DSCAM: variants seen among roughly 807,000 people sequenced by gnomAD.
The protein encoded by DSCAM is DS cell adhesion molecule, also known as cell adhesion molecule DSCAM.
DSCAM carries 47 observed loss-of-function variants against 217.7 expected under a neutral mutation model. The observed-to-expected ratio is 0.22, with a 90% confidence interval of 0.17 to 0.28. The LOEUF is 0.28. Ranked by LOEUF, DSCAM falls within the 10% of genes least tolerant of loss-of-function variation. The probability of loss-of-function intolerance (pLI) is 1.00; values close to 1 mark genes in which losing one functional copy is unlikely to be tolerated. For missense variants in DSCAM, 2,080 were observed against 2,618.3 expected, an observed-to-expected ratio of 0.79 and a Z score of 4.49; for synonymous variants, 1,056 against 1,015.3, an observed-to-expected ratio of 1.04 and a Z score of -0.76.
At chr21:40,431,192 G>A (rs970354502) in intron 3 of DSCAM, among the ~76,000 whole-genome samples, 1 of 152,236 alleles carries the variant, frequency 6.6e-6, no homozygotes, top group Non-Finnish European at 1.5e-5. Flanking sequence ...GAAATCTCAT[G>A]TAATGGGGTG....
chr21:40,742,963 T>A (rs2091138716), intron 1 of DSCAM, among the ~76,000 whole-genome samples: 1 of 152,218 alleles, frequency 6.6e-6, no homozygotes, highest in Non-Finnish European at 1.5e-5. Flanking sequence ...TGGCAAGCGG[T>A]AGTCAGAGTT....
chr21:40,427,159 A>T (rs1338678137), intron 3 of DSCAM, among the ~76,000 whole-genome samples: 1 of 152,170 alleles, frequency 6.6e-6, no homozygotes, highest in Admixed American at 6.5e-5. Context: ...GGCCCAGCTG[A>T]CTGCTGCTCT....
chr21:40,391,626 G>A (rs1379778884), intron 3 of DSCAM, among the ~76,000 whole-genome samples: 1 of 152,194 alleles, frequency 6.6e-6, no homozygotes, highest in East Asian at 1.9e-4. Context: ...GTAAGCTTGA[G>A]CAGTGTCAGT....
intron 8 of DSCAM, among the ~76,000 whole-genome samples, chr21:40,334,099 C>A (rs1348337952): frequency 6.6e-6 from 1 of 152,054 alleles, no homozygotes. Flanking sequence ...GCTGGGGAAG[C>A]CTGTACATAT....
Position 40,175,807 on chromosome 21 carries a change from A to ACACG in DSCAM, c.2947+3119_2947+3120insCGTG, listed in dbSNP as rs531907462. Among the ~76,000 whole-genome samples, 6 of 88,258 alleles carry ACACG rather than the reference A, an allele frequency of 6.8e-5. No homozygotes were observed. In the East Asian group the frequency reaches 1.1e-3, roughly 16 times the overall value. The allele number at this position is 88,258 out of a possible 152,430, so 57.9% of individuals were successfully genotyped here. A position where few individuals can be genotyped will look rare whatever the true frequency, so the allele number is the denominator to read the frequency against. On this transcript the variant is annotated intron_variant, in intron 15 of 32. Transcript: ENST00000400454. Reference sequence around the variant, plus strand: ...CACACACACACACACACACACACACACGCACACACACACACACGCACACAC... The same window carrying ACACG: ...CACACACACACACACACACACACACACACGCGCACACACACACACACGCACACAC...
At position 40,409,199 on chromosome 21, in the gene DSCAM, A is replaced by C. The variant is rs551688625; in HGVS notation, c.509-39954T>G. ...AGTATTGAGAGCTATGGCATTAAAA[A>C]GTTCCATTAGAATGTAATTTGTATT... On this transcript the variant is annotated intron_variant, in intron 3 of 32. Transcript: ENST00000400454. Among the ~76,000 whole-genome samples the C allele has an allele frequency of 1.2e-3, 187 of 152,372 alleles. 1 individual carries two copies. Among genetic ancestry groups the C allele is most frequent in the South Asian group, 0.011 (52 of 4,830 alleles).
chr21:40,659,374 T>TATCA, intron 3 of DSCAM, among the ~76,000 whole-genome samples: 1 of 145,192 alleles, frequency 6.9e-6, no homozygotes, highest in African/African-American at 2.8e-5. Flanking sequence ...TCTATCTATC[T>TATCA]ATCTATCTAT....
intron 1 of DSCAM, among the ~76,000 whole-genome samples, chr21:40,793,120 T>C (rs1466969381): frequency 6.6e-6 from 1 of 152,246 alleles, no homozygotes; most frequent in Non-Finnish European, 1.5e-5. Flanking sequence ...TGATAGATGT[T>C]TGCACGTAGT....
At chr21:40,068,862 G>C (rs1821811430) in intron 27 of DSCAM, among the ~76,000 whole-genome samples, 1 of 152,038 alleles carries the variant, frequency 6.6e-6, no homozygotes, top group Non-Finnish European at 1.5e-5. Context: ...GAGGCAGGCG[G>C]ATCACCTGAG....
rs35181324 is a variant in DSCAM at position 40,579,274 on chromosome 21, CA to C, written c.508+113535del. ...TTAATTTGGATTCTGAAAGCAGATC[CA>C]AAAAAAAACCTCAATAAAACTTCAG... On this transcript the variant is annotated intron_variant, in intron 3 of 32. Coordinates refer to ENST00000400454, the MANE Select transcript of DSCAM (RefSeq NM_001389.5). 2.4e-4 allele frequency among the ~76,000 whole-genome samples: 36 copies of C among 149,162 alleles called. No homozygotes were observed. The South Asian group carries it at 6.4e-3, about 27-fold the overall frequency.
intron 3 of DSCAM, chr21:40,384,227 A>G (rs932239553): frequency 1.3e-5 from 2 of 152,546 alleles, no homozygotes; most frequent in South Asian, 4.1e-4. Flanking sequence ...AAAGGTAGAC[A>G]TAAGGGAGGC....
chr21:40,125,412 G>A (rs752230279), intron 19 of DSCAM, among the ~76,000 whole-genome samples: 2 of 152,138 alleles, frequency 1.3e-5, no homozygotes, highest in Non-Finnish European at 1.5e-5. Flanking sequence ...CCATATGGAG[G>A]GCAACCACAT....
intron 3 of DSCAM, among the ~76,000 whole-genome samples, chr21:40,530,623 C>T (rs2076435960): frequency 6.6e-6 from 1 of 152,046 alleles, no homozygotes; most frequent in South Asian, 2.1e-4. Flanking sequence ...TATTTTTTCT[C>T]ATCTATAGAG....
chr21:40,566,737 T>C (rs1030674191), intron 3 of DSCAM, among the ~76,000 whole-genome samples: 4 of 152,062 alleles, frequency 2.6e-5, no homozygotes, highest in Non-Finnish European at 5.9e-5. Flanking sequence ...GAGAAGTAAA[T>C]ATCCCCCCAC....
chr21:40,595,382 AAAAAG>A (rs3070784), intron 3 of DSCAM, among the ~76,000 whole-genome samples: 2 of 150,428 alleles, frequency 1.3e-5, no homozygotes, highest in Non-Finnish European at 2.9e-5. Context: ...TGTCTCAAAA[AAAAAG>A]AAAAGAAAAG....
At chr21:40,257,744 A>G (rs1223377807) in intron 11 of DSCAM, among the ~76,000 whole-genome samples, 1 of 152,152 alleles carries the variant, frequency 6.6e-6, no homozygotes, top group Non-Finnish European at 1.5e-5. Flanking sequence ...TCCAAACGTT[A>G]ATTTTTTTAA....
chr21:40,622,189 C>A (rs1451153957), intron 3 of DSCAM, among the ~76,000 whole-genome samples: 1 of 152,052 alleles, frequency 6.6e-6, no homozygotes, highest in African/African-American at 2.4e-5. Flanking sequence ...TTTTCTTACC[C>A]CTTGACCTTC....
intron 20 of DSCAM, among the ~76,000 whole-genome samples, chr21:40,109,591 A>C (rs532980152): frequency 7.9e-5 from 12 of 152,332 alleles, no homozygotes; most frequent in African/African-American, 2.4e-4. Flanking sequence ...GGTGCAGCGC[A>C]CCGAGCATGA....
At chr21:40,336,583 T>C (rs529471141) in intron 8 of DSCAM, among the ~76,000 whole-genome samples, 1 of 152,320 alleles carries the variant, frequency 6.6e-6, no homozygotes, top group East Asian at 1.9e-4. Context: ...GGTAAAACAT[T>C]CCTTCCAAGG....
Sources: gnomAD v4.1 joint callset for allele counts (sites outside exome capture counted in the v4.1 genomes callset) on GRCh38, gnomAD v4.1.1 for gene constraint, MANE v1.5 for transcripts, NCBI Gene and HGNC (gene_info 2026-07-23, HGNC 2026-07-21) for gene names.